EP300: variants seen among roughly 807,000 people sequenced by gnomAD.
The protein encoded by EP300 is EP300 lysine acetyltransferase.
In EP300, 31 loss-of-function variants were observed where a neutral mutation model predicts 264.0. The ratio of observed to expected loss-of-function variants is 0.12; its 90% CI spans 0.09 to 0.16. EP300 has a LOEUF of 0.16. Ranked by LOEUF, EP300 falls within the 10% of genes least tolerant of loss-of-function variation. EP300 has a pLI of 1.00. For synonymous variants in EP300, 1,340 were observed against 1,045.4 expected (o/e 1.28, Z -5.44); for missense variants, 2,766 against 3,052.9 (o/e 0.91, Z 2.21).
chr22:41,178,691 C>G lies in EP300; in HGVS notation c.6980C>G (p.Pro2327Arg), dbSNP rs764378639. Reference protein sequence around the residue: ...RPQSQPPHSSPSPRMQPQPSP... With the variant: ...RPQSQPPHSSRSPRMQPQPSP... Reference sequence around the variant, plus strand: ...CAGTCCCAGCCCCCCCACTCCAGTCCTTCCCCAAGGATGCAGCCTCAGCCT... The same window carrying G: ...CAGTCCCAGCCCCCCCACTCCAGTCGTTCCCCAAGGATGCAGCCTCAGCCT... Residue 2327 changes from proline (P) to arginine (R), a missense_variant, in exon 31 of 31, where the codon CCT becomes CGT. Transcript: ENST00000263253. 3 of 1,614,186 alleles carry G rather than the reference C, an allele frequency of 1.9e-6. No homozygotes were observed.
chr22:41,179,378 A>G lies in EP300; in HGVS notation c.*422A>G. 1 of 212,806 alleles carries G rather than the reference A, an allele frequency of 4.7e-6. No homozygotes were observed. 13.2% of individuals were successfully genotyped at this position (212,806 alleles called of 1,614,324 possible). On this transcript the variant is annotated 3_prime_UTR_variant, in exon 31 of 31. Transcript: ENST00000263253. The stretch of plus-strand genomic sequence containing the variant: ...CATTTTTCCCTATTTTCCTCACTTT[A>G]TGGAAGAGTTAAAACATTTCTAAAC...
intron 1 of EP300, among the ~76,000 whole-genome samples, chr22:41,115,898 G>T (rs1360098850): frequency 6.6e-6 from 1 of 152,208 alleles, no homozygotes; most frequent in East Asian, 1.9e-4. Context: ...ATGGTGGATA[G>T]CCCTCTGCTT....
At chr22:41,167,814 GTTTTTTT>G (rs1555911003) in intron 23 of EP300, among the ~76,000 whole-genome samples, 31 of 66,222 alleles carry the variant, frequency 4.7e-4, no homozygotes, top group Admixed American at 2.9e-3. Context: ...GTTTGTTTTT[GTTTTTTT>G]TTTTGTTTTT....
At position 41,178,843 on chromosome 22, in the gene EP300, A is replaced by G. The variant is rs753198647; in HGVS notation, c.7132A>G (p.Ser2378Gly). Residue 2378 changes from serine (S) to glycine (G), a missense_variant, in exon 31 of 31, where the codon AGC (serine) becomes GGC (glycine). By Grantham distance (56) the Ser-to-Gly change is moderately conservative. Transcript: ENST00000263253. Reference sequence around the variant, plus strand: ...GAATTCAATGCTTTCTCAGCTTGCTAGCAATCCAGGCATGGCAAACCTCCA... The same window carrying G: ...GAATTCAATGCTTTCTCAGCTTGCTGGCAATCCAGGCATGGCAAACCTCCA... ...DQNSMLSQLASNPGMANLHGA... is the reference protein window; with the variant it reads ...DQNSMLSQLAGNPGMANLHGA... The G allele has an allele frequency of 3.7e-6, 6 of 1,614,228 alleles. No individual in the cohort carries two copies. Among genetic ancestry groups the G allele is most frequent in the Non-Finnish European group, 5.1e-6 (6 of 1,180,040 alleles).
intron 14 of EP300, among the ~76,000 whole-genome samples, chr22:41,151,474 G>C (rs2059045170): frequency 6.6e-6 from 1 of 152,054 alleles, no homozygotes; most frequent in African/African-American, 2.4e-5. Context: ...CTGGTGAGAA[G>C]GTAAAAACAA....
chr22:41,119,220 A>C (rs552986072), intron 2 of EP300, among the ~76,000 whole-genome samples: 1 of 125,348 alleles, frequency 8.0e-6, no homozygotes, highest in African/African-American at 3.2e-5. Flanking sequence ...GGGTCTCACT[A>C]TGTTGCTCAG....
At chr22:41,108,634 G>A (rs541913519) in intron 1 of EP300, among the ~76,000 whole-genome samples, 64 of 151,750 alleles carry the variant, frequency 4.2e-4, no homozygotes, top group African/African-American at 1.4e-3. Flanking sequence ...CTCAGATGAA[G>A]AAACTTCAAA....
chr22:41,120,495 A>C lies in EP300; in HGVS notation c.729+2674A>C, dbSNP rs183011090. 2.1e-3 allele frequency among the ~76,000 whole-genome samples: 314 copies of C among 152,300 alleles called. 1 individual carries two copies. Among genetic ancestry groups the C allele is most frequent in the African/African-American group, 7.2e-3 (300 of 41,562 alleles). ...AAGGTGTAAGAAAGTTTTCAGTAAG[A>C]TTTGATGACTGTAACCCTGTTGGCA... On this transcript the variant is annotated intron_variant, in intron 2 of 30. Transcript: ENST00000263253.
intron 1 of EP300, among the ~76,000 whole-genome samples, chr22:41,098,511 A>G (rs1178765333): frequency 6.6e-6 from 1 of 152,122 alleles, no homozygotes; most frequent in Non-Finnish European, 1.5e-5. Context: ...AGCTGGGACT[A>G]CAGGCGCCCG....
chr22:41,109,211 G>A (rs985876641), intron 1 of EP300, among the ~76,000 whole-genome samples: 3 of 145,476 alleles, frequency 2.1e-5, no homozygotes, highest in Non-Finnish European at 4.5e-5. Flanking sequence ...CTGTGATCCC[G>A]TCGCTCCACT....
rs1345203070 is a variant in EP300, at chr22:41,117,271, A to G, written c.179A>G (p.Asp60Gly). ...GAATTGGGACTAACCAATGGTGGTGATATTAATCAGCTTCAGACAAGTCTT... is the reference window on the plus strand; with the variant it reads ...GAATTGGGACTAACCAATGGTGGTGGTATTAATCAGCTTCAGACAAGTCTT... ...STELGLTNGG[D>G]INQLQTSLGM... is the part of the protein sequence containing the mutation. Residue 60 changes from aspartate to glycine, a missense_variant, in exon 2 of 31, where the codon GAT becomes GGT. By Grantham distance (94) the Asp-to-Gly change is moderately conservative (BLOSUM62 -1). Coordinates refer to ENST00000263253, the MANE Select transcript of EP300 (RefSeq NM_001429.4). 1.2e-6 allele frequency: 2 copies of G among 1,614,204 alleles called. No individual in the cohort carries two copies. The highest frequency in any genetic ancestry group is 4.5e-5 in the East Asian group (2 of 44,890).
chr22:41,137,931 T>C, intron 8 of EP300, 141 bp downstream of exon 8: 1 of 1,174,192 alleles, frequency 8.5e-7, no homozygotes. Flanking sequence ...TCTACTCTTG[T>C]GGATTTCTTG....
intron 4 of EP300, among the ~76,000 whole-genome samples, chr22:41,128,016 C>T (rs966298141): frequency 2.0e-5 from 3 of 151,948 alleles, no homozygotes; most frequent in Non-Finnish European, 4.4e-5. Flanking sequence ...AGCAAGACCT[C>T]GCCGGGCATG....
In EP300 at chr22:41,178,695, C is replaced by T. The variant is rs200478275; in HGVS notation, c.6984C>T (p.Ser2328=). ...CCCAGCCCCCCCACTCCAGTCCTTC[C>T]CCAAGGATGCAGCCTCAGCCTTCTC... ...PQSQPPHSSP[S]PRMQPQPSPH... Residue 2328 remains serine, a synonymous_variant, in exon 31 of 31, where the codon TCC becomes TCT. Transcript: ENST00000263253. The T allele has an allele frequency of 1.9e-6, 3 of 1,614,042 alleles. No individual in the cohort carries two copies. Among genetic ancestry groups the T allele is most frequent in the Admixed American group, 1.7e-5 (1 of 59,986 alleles).
intron 2 of EP300, among the ~76,000 whole-genome samples, chr22:41,120,086 C>T (rs1020526704): frequency 6.6e-6 from 1 of 152,136 alleles, no homozygotes; most frequent in Non-Finnish European, 1.5e-5. Context: ...AGTGTTGCCA[C>T]CGCACCTAGG....
rs746744380 is a variant in EP300 at position 41,178,162 on chromosome 22, C to G, written c.6451C>G (p.Gln2151Glu). The G allele has an allele frequency of 1.2e-6, 2 of 1,614,178 alleles. No individual in the cohort carries two copies. The highest frequency in any genetic ancestry group is 1.7e-6 in the Non-Finnish European group (2 of 1,180,028). Residue 2151 changes from glutamine to glutamate, a missense_variant, in exon 31 of 31, where the codon CAG becomes GAG. Gln to Glu is a conservative substitution (Grantham distance 29, BLOSUM62 2). Coordinates refer to ENST00000263253, the MANE Select transcript of EP300 (RefSeq NM_001429.4). ...GGCTGGCCTGCCCCAGCAGCAACCA[C>G]AGCAGCAACTCCAGCCACCCATGGG... ...QRAGLPQQQP[Q>E]QQLQPPMGGM...
intron 21 of EP300, 38 bp downstream of exon 21, chr22:41,162,817 C>A: frequency 6.4e-7 from 1 of 1,568,202 alleles, no homozygotes; most frequent in Non-Finnish European, 8.8e-7. Flanking sequence ...TACGCTTTGG[C>A]TTTTCTTTTT....
rs747975866 is a variant in EP300 at position 41,179,879 on chromosome 22, CTCACACACACACACA to C, written c.*924_*938del. 8.6e-3 allele frequency: 1,203 copies of C among 140,216 alleles called. 41 individuals are homozygous for C. The highest frequency in any genetic ancestry group is 0.012 in the Non-Finnish European group (910 of 75,330). 8.7% of individuals were successfully genotyped at this position (140,216 alleles called of 1,614,324 possible). On this transcript the variant is annotated 3_prime_UTR_variant, in exon 31 of 31. Coordinates refer to ENST00000263253, the MANE Select transcript of EP300 (RefSeq NM_001429.4). ...TTCTTCCTCCTTACCCTACCCCCCA[CTCACACACACACACA>C]CACACACACACACACACACACACAC... is the stretch of plus-strand genomic sequence containing the variant.
intron 24 of EP300, 37 bp downstream of exon 24, chr22:41,168,636 C>G: frequency 1.2e-6 from 2 of 1,614,162 alleles, no homozygotes; most frequent in South Asian, 2.2e-5. Flanking sequence ...CCTCGTGGAT[C>G]CAAAATTGCT....
Sources: gnomAD v4.1 joint callset for allele counts (sites outside exome capture counted in the v4.1 genomes callset) on GRCh38, gnomAD v4.1.1 for gene constraint, MANE v1.5 for transcripts, NCBI Gene and HGNC (gene_info 2026-07-23, HGNC 2026-07-21) for gene names.